Variants in ATAD1 observed in about 807,000 individuals in gnomAD.
ATAD1 encodes the protein ATPase family AAA domain containing 1, also known as outer mitochondrial transmembrane helix translocase.
In ATAD1, 18 loss-of-function variants were observed where a neutral mutation model predicts 42.7. The ratio of observed to expected loss-of-function variants is 0.42; its 90% CI spans 0.29 to 0.63. The LOEUF (loss-of-function observed/expected upper bound fraction) is 0.63, where lower values mean the gene tolerates loss of function less well. Among genes scored for constraint, ATAD1 ranks in the 20% least tolerant of loss-of-function variants. The probability of loss-of-function intolerance (pLI) is 0.19; values close to 1 mark genes in which losing one functional copy is unlikely to be tolerated. For synonymous variants in ATAD1, 132 were observed against 143.1 expected (o/e 0.92, Z 0.55); for missense variants, 294 against 440.4 (o/e 0.67, Z 2.98).
At chr10:87,783,976 T>C (rs753973430) in intron 5 of ATAD1, among the ~76,000 whole-genome samples, 1 of 150,298 alleles carries the variant, frequency 6.7e-6, no homozygotes, top group Non-Finnish European at 1.5e-5. Flanking sequence ...GTAATCATAA[T>C]AAACATCAAC....
intron 7 of ATAD1, among the ~76,000 whole-genome samples, chr10:87,769,822 T>C (rs1013223380): frequency 2.6e-5 from 4 of 151,946 alleles, no homozygotes; most frequent in African/African-American, 7.2e-5. Flanking sequence ...GGTGGGCGCC[T>C]GTAATCCCAA....
In ATAD1 at chr10:87,806,135, T is replaced by C. The variant is rs111748420; in HGVS notation, c.162+8303A>G. On this transcript the variant is annotated intron_variant, in intron 2 of 9. Transcript: ENST00000680024. The stretch of plus-strand genomic sequence containing the variant: ...ATTCTGATTATTTCTTTGCAGAACA[T>C]AGTGTTTCAGTTGACAATCACTGCC... 1.7e-3 allele frequency among the ~76,000 whole-genome samples: 258 copies of C among 152,232 alleles called. 1 individual carries two copies. Among genetic ancestry groups the C allele is most frequent in the African/African-American group, 5.0e-3 (207 of 41,546 alleles).
chr10:87,783,933 A>G (rs1855694644), intron 5 of ATAD1, among the ~76,000 whole-genome samples: 1 of 152,000 alleles, frequency 6.6e-6, no homozygotes. Flanking sequence ...TAAAAAAAAA[A>G]CTATCAGAAA....
intron 8 of ATAD1, among the ~76,000 whole-genome samples, chr10:87,762,316 T>C (rs1203492855): frequency 2.6e-5 from 4 of 152,218 alleles, no homozygotes; most frequent in African/African-American, 7.2e-5. Context: ...TACCTTCTAG[T>C]ATCTGTTAAA....
intron 4 of ATAD1, among the ~76,000 whole-genome samples, chr10:87,786,738 C>A (rs966472247): frequency 1.3e-5 from 2 of 152,118 alleles, no homozygotes; most frequent in Non-Finnish European, 2.9e-5. Flanking sequence ...GGGCAGATCA[C>A]GAGGTGAGGA....
chr10:87,829,268 T>A (rs906662448), intron 1 of ATAD1, among the ~76,000 whole-genome samples: 3 of 150,624 alleles, frequency 2.0e-5, no homozygotes, highest in Non-Finnish European at 4.4e-5. Context: ...TTTATTTATT[T>A]ATTATGAGAT....
At chr10:87,817,864 C>T in intron 1 of ATAD1, 1 of 985,584 alleles carries the variant, frequency 1.0e-6, no homozygotes, top group Non-Finnish European at 1.2e-6. Flanking sequence ...CCTCAAACCC[C>T]CACAGTGACC....
Position 87,784,455 on chromosome 10 carries a change from G to C in ATAD1, c.583+15C>G. The C allele has an allele frequency of 6.2e-7, 1 of 1,609,776 alleles. No individual in the cohort carries two copies. Among genetic ancestry groups the C allele is most frequent in the Non-Finnish European group, 8.5e-7 (1 of 1,177,572 alleles). On this transcript the variant is annotated intron_variant, in intron 5 of 9. Transcript: ENST00000680024. ...AATGGCCTTTAAAAATACTCATATA[G>C]AAAACATAGCATACCTATTTCATCT...
chr10:87,756,887 C>A lies in ATAD1; in HGVS notation c.867G>T (p.Gln289His). The A allele has an allele frequency of 6.2e-7, 1 of 1,612,140 alleles. No homozygotes were observed. Among genetic ancestry groups the A allele is most frequent in the Non-Finnish European group, 8.5e-7 (1 of 1,179,194 alleles). ...DRHVDLLEVA[Q>H]ETDGFSGSDL... ...CACTTCCTGAAAACCCATCAGTTTCCTGGGCAACTTCTAGCAGGTCTACAT... is the reference window on the plus strand; with the variant it reads ...CACTTCCTGAAAACCCATCAGTTTCATGGGCAACTTCTAGCAGGTCTACAT... The change falls in exon 9 of 10, where the codon CAG becomes CAT. Residue 289 changes from glutamine to histidine, a missense_variant. Around this residue, in one of 3 missense-constraint regions of ATAD1, gnomAD observed 142 missense variants for 174.6 expected, o/e 0.81. Coordinates refer to ENST00000680024, the MANE Select transcript of ATAD1 (RefSeq NM_001321967.2).
At chr10:87,814,100 A>G (rs1014279667) in intron 2 of ATAD1, among the ~76,000 whole-genome samples, 4 of 152,160 alleles carry the variant, frequency 2.6e-5, no homozygotes, top group Non-Finnish European at 2.9e-5. Context: ...AGCAAAAGGC[A>G]TATCATTACT....
At chr10:87,806,812 A>G (rs1856945445) in intron 2 of ATAD1, among the ~76,000 whole-genome samples, 1 of 152,166 alleles carries the variant, frequency 6.6e-6, no homozygotes, top group South Asian at 2.1e-4. Context: ...ATAAATTCAC[A>G]AAGGTCTCCC....
At chr10:87,799,069 C>T (rs965046968) in intron 2 of ATAD1, among the ~76,000 whole-genome samples, 1 of 151,974 alleles carries the variant, frequency 6.6e-6, no homozygotes, top group Non-Finnish European at 1.5e-5. Flanking sequence ...AGAGAAGACT[C>T]GTCAAATGCT....
chr10:87,829,282 G>A (rs939624394), intron 1 of ATAD1, among the ~76,000 whole-genome samples: 8 of 146,758 alleles, frequency 5.5e-5, no homozygotes, highest in Non-Finnish European at 1.2e-4. Flanking sequence ...ATGAGATGGA[G>A]TCTCACTCTG....
At chr10:87,775,895 A>T (rs1195362285) in intron 6 of ATAD1, among the ~76,000 whole-genome samples, 1 of 152,222 alleles carries the variant, frequency 6.6e-6, no homozygotes, top group Non-Finnish European at 1.5e-5. Context: ...GTCAAATGAA[A>T]ATCAGGGAAG....
intron 1 of ATAD1, among the ~76,000 whole-genome samples, chr10:87,834,952 T>G (rs1225850005): frequency 3.3e-5 from 5 of 152,170 alleles, no homozygotes; most frequent in African/African-American, 1.2e-4. Context: ...TTCCACAAAT[T>G]TTCATATGTT....
At chr10:87,774,468 CA>C (rs1169656376) in intron 6 of ATAD1, among the ~76,000 whole-genome samples, 1 of 152,060 alleles carries the variant, frequency 6.6e-6, no homozygotes, top group Non-Finnish European at 1.5e-5. Flanking sequence ...AAGAGCCTAT[CA>C]AAACTGACCT....
chr10:87,759,669 G>A, intron 8 of ATAD1: 1 of 409,456 alleles, frequency 2.4e-6, no homozygotes, highest in South Asian at 1.8e-5. Context: ...CCAGTCACTG[G>A]GGGAGCAAGA....
chr10:87,818,265 A>C, upstream of ATAD1: 1 of 984,998 alleles, frequency 1.0e-6, no homozygotes, highest in Non-Finnish European at 1.2e-6. Context: ...GGCGCGGCGC[A>C]CTCCCTCCCA....
chr10:87,840,277 G>A (rs1277747222), intron 1 of ATAD1, among the ~76,000 whole-genome samples: 1 of 152,108 alleles, frequency 6.6e-6, no homozygotes, highest in East Asian at 1.9e-4. Context: ...TGAAACCAAA[G>A]GTTTGAGATG....
Sources: allele counts gnomAD v4.1 joint callset (sites outside exome capture counted in the v4.1 genomes callset), GRCh38; gene constraint gnomAD v4.1.1; regional missense constraint gnomAD v4.1.1; transcripts MANE v1.5; gene names NCBI Gene and HGNC (gene_info 2026-07-23, HGNC 2026-07-21).